Variants in ZNF500 observed in about 807,000 individuals in gnomAD.
ZNF500 encodes the protein zinc finger protein 500.
ZNF500 carries 31 observed loss-of-function variants against 30.1 expected under a neutral mutation model. The ratio of observed to expected loss-of-function variants is 1.03; its 90% CI spans 0.77 to 1.39. The LOEUF is 1.39. Ranked by LOEUF, ZNF500 falls within the 40% of genes most tolerant of loss-of-function variation. ZNF500 has a pLI of 0.00. For missense variants in ZNF500, 817 were observed against 657.8 expected, an observed-to-expected ratio of 1.24 and a Z score of -2.65; for synonymous variants, 392 against 282.0, an observed-to-expected ratio of 1.39 and a Z score of -3.91.
In ZNF500 at chr16:4,751,527, G is replaced by C. The variant is rs2082077624; in HGVS notation, c.*849C>G. 1.3e-6 allele frequency: 2 copies of C among 1,514,342 alleles called. No homozygotes were observed. The highest frequency in any genetic ancestry group is 4.1e-5 in the Admixed American group (2 of 48,996). The allele number at this position is 1,514,342 out of a possible 1,614,324, so 93.8% of individuals were successfully genotyped here. On this transcript the variant is annotated 3_prime_UTR_variant, in exon 6 of 6. Coordinates refer to ENST00000219478, the MANE Select transcript of ZNF500 (RefSeq NM_021646.4). ...GGACTGGAATGCTGCAGAGCCCCGG[G>C]CTCCATTTGGAAACTCTGGCAGGAT...
chr16:4,754,318 G>C (rs2082114345), intron 5 of ZNF500, among the ~76,000 whole-genome samples: 1 of 152,090 alleles, frequency 6.6e-6, no homozygotes, highest in Non-Finnish European at 1.5e-5. Context: ...CTTCCAGATA[G>C]CCGAAGGTGG....
Position 4,751,528 on chromosome 16 carries a change from C to A in ZNF500, c.*848G>T. 1 of 1,518,358 alleles carries A rather than the reference C, an allele frequency of 6.6e-7. No individual in the cohort carries two copies. The highest frequency in any genetic ancestry group is 8.8e-7 in the Non-Finnish European group (1 of 1,137,428). The allele number at this position is 1,518,358 out of a possible 1,614,324, so 94.1% of individuals were successfully genotyped here. A position where few individuals can be genotyped will look rare whatever the true frequency, so the allele number is the denominator to read the frequency against. On this transcript the variant is annotated 3_prime_UTR_variant, in exon 6 of 6. Coordinates refer to ENST00000219478, the MANE Select transcript of ZNF500 (RefSeq NM_021646.4). ...GACTGGAATGCTGCAGAGCCCCGGG[C>A]TCCATTTGGAAACTCTGGCAGGATG...
downstream of ZNF500, chr16:4,747,029 A>G (rs1308524475): frequency 3.9e-6 from 6 of 1,525,274 alleles, no homozygotes; most frequent in South Asian, 1.2e-5. Flanking sequence ...GGCTACGGTA[A>G]CCACCCAGGG....
chr16:4,763,871 T>C (rs1415509637), intron 2 of ZNF500: 2 of 985,306 alleles, frequency 2.0e-6, no homozygotes, highest in Non-Finnish European at 1.2e-6. Flanking sequence ...GCCTCCTCTG[T>C]TGGCTGCAAA....
chr16:4,745,314 G>A (rs914115385), downstream of ZNF500, among the ~76,000 whole-genome samples: 3 of 152,194 alleles, frequency 2.0e-5, no homozygotes, highest in Non-Finnish European at 4.4e-5. Context: ...GCCTCCCTGA[G>A]AGTAGGAAGG....
chr16:4,745,702 G>A (rs1402830596), downstream of ZNF500, among the ~76,000 whole-genome samples: 1 of 152,180 alleles, frequency 6.6e-6, no homozygotes, highest in African/African-American at 2.4e-5. Flanking sequence ...TATAATCCCG[G>A]CACTTTGGAA....
rs996601910 is a variant in ZNF500, at chr16:4,752,727, G to T, written c.1092C>A (p.Asp364Glu). 5.0e-6 allele frequency: 8 copies of T among 1,614,096 alleles called. No individual in the cohort carries two copies. Among genetic ancestry groups the T allele is most frequent in the Non-Finnish European group, 6.8e-6 (8 of 1,180,032 alleles). Residue 364 changes from aspartate (D) to glutamate (E), a missense_variant, in exon 6 of 6, where the codon GAC (aspartate) becomes GAA (glutamate). Physicochemically the swap from Asp to Glu is conservative, Grantham distance 45. Coordinates refer to ENST00000219478, the MANE Select transcript of ZNF500 (RefSeq NM_021646.4). ...TCTGGTGCGTGCTGAAGTTGGAGCG[G>T]TCGCTAAAGCCCTTCCCACAGACTA... ...KCLVCGKGFS[D>E]RSNFSTHQRV...
intron 5 of ZNF500, among the ~76,000 whole-genome samples, chr16:4,753,454 CCT>C (rs1490589776): frequency 2.6e-5 from 4 of 152,164 alleles, no homozygotes; most frequent in African/African-American, 7.2e-5. Context: ...GGCATGAGAC[CCT>C]GTTTCAAAAA....
Position 4,765,554 on chromosome 16 carries a change from C to T in ZNF500, c.414+11G>A. The T allele has an allele frequency of 3.8e-6, 6 of 1,570,592 alleles. No homozygotes were observed. Among genetic ancestry groups the T allele is most frequent in the South Asian group, 1.2e-5 (1 of 83,972 alleles). On this transcript the variant is annotated intron_variant, in intron 2 of 5. Transcript: ENST00000219478. Reference sequence around the variant, plus strand: ...ATTTCCTCACCTGAGGGTCAAAATGCCCCCACTCACCCGCTGCCTGTGTTT... The same window carrying T: ...ATTTCCTCACCTGAGGGTCAAAATGTCCCCACTCACCCGCTGCCTGTGTTT...
rs901529212 is a variant in ZNF500 at position 4,759,066 on chromosome 16, G to A, written c.760+1426C>T. 1.0e-4 allele frequency among the ~76,000 whole-genome samples: 14 copies of A among 139,858 alleles called. 1 individual carries two copies. The highest frequency in any genetic ancestry group is 3.0e-4 in the African/African-American group (11 of 36,738). The allele number at this position is 139,858 out of a possible 152,430, so 91.8% of individuals were successfully genotyped here. On this transcript the variant is annotated intron_variant, in intron 5 of 5. Coordinates refer to ENST00000219478, the MANE Select transcript of ZNF500 (RefSeq NM_021646.4). ...TCTACTAAAAATAGAAAAATTAGCC[G>A]GGTATGGTGGCACACACCTGTAATC...
At chr16:4,746,174 G>A, downstream of ZNF500, 1 of 535,028 alleles carries the variant, frequency 1.9e-6, no homozygotes, top group Non-Finnish European at 3.2e-6. Flanking sequence ...CATCATGAGG[G>A]ACGTTCTGTT....
intron 1 of ZNF500, among the ~76,000 whole-genome samples, chr16:4,766,484 G>A (rs4786550): frequency 0.37 from 56,663 of 151,976 alleles, 12,941 homozygotes; most frequent in East Asian, 0.61. Context: ...GCCCGACATG[G>A]TGGTAGCACA....
At chr16:4,763,058 G>A (rs775009857) in intron 2 of ZNF500, 6 of 985,320 alleles carry the variant, frequency 6.1e-6, no homozygotes, top group Non-Finnish European at 7.2e-6. Context: ...CTGAGTCAGC[G>A]CTGGACTAAT....
intron 5 of ZNF500, chr16:4,753,303 A>G: frequency 4.6e-6 from 3 of 650,874 alleles, no homozygotes; most frequent in Non-Finnish European, 6.9e-6. Context: ...TCTACAGAAA[A>G]TAAACAAAAC....
chr16:4,764,172 GC>G (rs2082237474), intron 2 of ZNF500: 1 of 829,392 alleles, frequency 1.2e-6, no homozygotes, highest in African/African-American at 1.8e-5. Flanking sequence ...GTAGCCACTG[GC>G]CATGTGTGAC....
Position 4,749,262 on chromosome 16 carries a change from C to A in ZNF500, c.*3114G>T, listed in dbSNP as rs2082055749. 5 of 154,478 alleles carry A rather than the reference C, an allele frequency of 3.2e-5. No homozygotes were observed. In the Admixed American group the frequency reaches 3.3e-4, roughly 10 times the overall value. 9.6% of individuals were successfully genotyped at this position (154,478 alleles called of 1,614,324 possible). On this transcript the variant is annotated 3_prime_UTR_variant, in exon 6 of 6. Coordinates refer to ENST00000219478, the MANE Select transcript of ZNF500 (RefSeq NM_021646.4). Reference sequence around the variant, plus strand: ...CGCAGCCTGGCGGCCTCCGCTGTGGCTGCCTAGCTGTCAAGAGCAAAGGCT... The same window carrying A: ...CGCAGCCTGGCGGCCTCCGCTGTGGATGCCTAGCTGTCAAGAGCAAAGGCT...
intron 5 of ZNF500, chr16:4,758,208 T>C (rs1000411131): frequency 1.3e-5 from 2 of 152,098 alleles, no homozygotes; most frequent in African/African-American, 4.8e-5. Flanking sequence ...CCATTTTTTT[T>C]TTTAAGCAAG....
rs2082095941 is a variant in ZNF500 at position 4,752,706 on chromosome 16, G to A, written c.1113C>T (p.His371=). The change falls in exon 6 of 6, where the codon CAC becomes CAT. Residue 371 remains histidine, a synonymous_variant. Coordinates refer to ENST00000219478, the MANE Select transcript of ZNF500 (RefSeq NM_021646.4). The part of the protein sequence containing the change: ...GFSDRSNFST[H]QRVHTGEKPY... ...GCTTCTCGCCTGTGTGCACCCTCTG[G>A]TGCGTGCTGAAGTTGGAGCGGTCGC... 3 of 1,614,208 alleles carry A rather than the reference G, an allele frequency of 1.9e-6. No homozygotes were observed. Among genetic ancestry groups the A allele is most frequent in the South Asian group, 1.1e-5 (1 of 91,084 alleles).
downstream of ZNF500, chr16:4,746,243 T>C (rs2082016150): frequency 1.4e-5 from 14 of 987,098 alleles, no homozygotes; most frequent in East Asian, 2.5e-5. Context: ...CAAATGTGTT[T>C]AATGTGCCCG....
Sources: gnomAD v4.1 joint callset for allele counts (sites outside exome capture counted in the v4.1 genomes callset) on GRCh38, gnomAD v4.1.1 for gene constraint, MANE v1.5 for transcripts, NCBI Gene and HGNC (gene_info 2026-07-23, HGNC 2026-07-21) for gene names.